Variants in PTPRR observed in about 807,000 individuals in gnomAD.
PTPRR encodes receptor-type tyrosine-protein phosphatase R.
Under a neutral mutation model 77.2 loss-of-function variants are expected in PTPRR, and 38 were observed. The observed-to-expected ratio is 0.49, with a 90% CI of 0.38 to 0.65. The LOEUF (loss-of-function observed/expected upper bound fraction) is 0.65. Ranked by LOEUF, PTPRR falls within the 30% of genes least tolerant of loss-of-function variation. The pLI is 0.00. For synonymous variants in PTPRR, 299 were observed against 283.1 expected (o/e 1.06, Z -0.57); for missense variants, 744 against 799.2 (o/e 0.93, Z 0.83).
chr12:70,702,173 C>T (rs975894534), intron 6 of PTPRR, among the ~76,000 whole-genome samples: 1 of 152,044 alleles, frequency 6.6e-6, no homozygotes, highest in Non-Finnish European at 1.5e-5. Context: ...CCCCTTTTCC[C>T]GCTGGGGGGC....
At chr12:70,684,366 A>C in intron 9 of PTPRR, 102 bp from the exon 10 acceptor site, 1 of 1,279,544 alleles carries the variant, frequency 7.8e-7, no homozygotes, top group Middle Eastern at 2.0e-4. Flanking sequence ...CTAGTACAAA[A>C]GCAACACAGG....
intron 1 of PTPRR, among the ~76,000 whole-genome samples, chr12:70,902,624 T>C (rs11835782): frequency 0.059 from 8,991 of 151,856 alleles, 346 homozygotes; most frequent in Admixed American, 0.078. Flanking sequence ...CTAAGTGAAG[T>C]AACTTCAGGA....
Position 70,732,544 on chromosome 12 carries a change from G to A in PTPRR, c.1007+13274C>T, listed in dbSNP as rs1047959148. ...TCTGTGGGGCAAGGGCGAGGTGGTG[G>A]TGAGCATCCATTTTTTTTTTGTTTG... is the stretch of plus-strand genomic sequence containing the variant. On this transcript the variant is annotated intron_variant, in intron 6 of 13. Coordinates refer to ENST00000283228, the MANE Select transcript of PTPRR (RefSeq NM_002849.4). Among the ~76,000 whole-genome samples, 4 of 152,120 alleles carry A rather than the reference G, an allele frequency of 2.6e-5. No individual in the cohort carries two copies. In the South Asian group the frequency reaches 8.3e-4, roughly 32 times the overall value.
At chr12:70,658,441 T>C (rs542787535) in intron 12 of PTPRR, among the ~76,000 whole-genome samples, 3 of 152,302 alleles carry the variant, frequency 2.0e-5, no homozygotes, top group African/African-American at 7.2e-5. Flanking sequence ...TTAGCTGAAG[T>C]GTCCACAGAA....
Position 70,869,097 on chromosome 12 carries a change from A to G in PTPRR, c.357+23582T>C, listed in dbSNP as rs532524772. On this transcript the variant is annotated intron_variant, in intron 2 of 13. Transcript: ENST00000283228. ...ATACCTAATGCTAAATGACGAGTTA[A>G]TGGGTGCAGCACACCAACATGGCAC... is the stretch of plus-strand genomic sequence containing the variant. Among the ~76,000 whole-genome samples the G allele has an allele frequency of 2.5e-3, 374 of 151,220 alleles. 1 individual carries two copies. The highest frequency in any genetic ancestry group is 8.6e-3 in the African/African-American group (354 of 41,308).
chr12:70,832,197 C>G (rs1892225287), intron 2 of PTPRR, among the ~76,000 whole-genome samples: 1 of 152,154 alleles, frequency 6.6e-6, no homozygotes, highest in Non-Finnish European at 1.5e-5. Context: ...TTGCATTTCT[C>G]TGGGTCAGGG....
At chr12:70,775,248 T>C (rs1372668696) in intron 2 of PTPRR, among the ~76,000 whole-genome samples, 1 of 152,196 alleles carries the variant, frequency 6.6e-6, no homozygotes, top group East Asian at 1.9e-4. Context: ...TATTTAAATA[T>C]ACCAGGCCTC....
intron 2 of PTPRR, among the ~76,000 whole-genome samples, chr12:70,864,746 T>C (rs1019024713): frequency 1.3e-5 from 2 of 152,150 alleles, no homozygotes; most frequent in Non-Finnish European, 2.9e-5. Context: ...AATTGAATCA[T>C]AGATGCAGTT....
intron 2 of PTPRR, among the ~76,000 whole-genome samples, chr12:70,847,354 A>C (rs1347069131): frequency 6.6e-6 from 1 of 152,174 alleles, no homozygotes; most frequent in Non-Finnish European, 1.5e-5. Context: ...CATAATCAAA[A>C]CATTTGGTCC....
chr12:70,873,320 C>T (rs1046131430), intron 2 of PTPRR, among the ~76,000 whole-genome samples: 1 of 152,150 alleles, frequency 6.6e-6, no homozygotes, highest in African/African-American at 2.4e-5. Flanking sequence ...GGTGATGGAA[C>T]CCTGAGAGAG....
intron 2 of PTPRR, among the ~76,000 whole-genome samples, chr12:70,875,767 T>G (rs1302891434): frequency 6.6e-6 from 1 of 152,126 alleles, no homozygotes; most frequent in Non-Finnish European, 1.5e-5. Flanking sequence ...AAGAAATATC[T>G]GTAACCCATA....
rs771430363 is a variant in PTPRR, at chr12:70,684,208, G to A, written c.1416C>T (p.Thr472=). The A allele has an allele frequency of 2.2e-5, 36 of 1,613,814 alleles. No individual in the cohort carries two copies. Among genetic ancestry groups the A allele is most frequent in the Admixed American group, 2.2e-4 (13 of 59,978 alleles). The change falls in exon 10 of 14, where the codon ACC becomes ACT. Residue 472 remains threonine (T), a synonymous_variant. Transcript: ENST00000283228. ...AAACCATCTGCCAGAAATCATCCAC[G>A]GTGTTGATCATGGGGCCCTGCGTGG... The part of the protein sequence containing the change: ...FIATQGPMIN[T]VDDFWQMVWQ...
intron 2 of PTPRR, among the ~76,000 whole-genome samples, chr12:70,767,667 A>G (rs1807688443): frequency 6.6e-6 from 1 of 152,220 alleles, no homozygotes; most frequent in African/African-American, 2.4e-5. Context: ...AAGCAGACCT[A>G]ATAGACATCT....
chr12:70,883,755 T>G (rs940866826), intron 2 of PTPRR, among the ~76,000 whole-genome samples: 1 of 152,138 alleles, frequency 6.6e-6, no homozygotes, highest in South Asian at 2.1e-4. Flanking sequence ...GGAAAAAAAA[T>G]GAAAGGATTA....
chr12:70,886,497 A>G (rs1893242010), intron 2 of PTPRR, among the ~76,000 whole-genome samples: 1 of 152,184 alleles, frequency 6.6e-6, no homozygotes, highest in African/African-American at 2.4e-5. Context: ...GTATCTGTGA[A>G]ATGGCTATTA....
chr12:70,792,911 C>A (rs1297958495), intron 2 of PTPRR, among the ~76,000 whole-genome samples: 2 of 152,114 alleles, frequency 1.3e-5, no homozygotes, highest in African/African-American at 4.8e-5. Context: ...TAGCAGAATT[C>A]TTTCCATTTA....
At chr12:70,717,748 T>C (rs1889086966) in intron 6 of PTPRR, among the ~76,000 whole-genome samples, 1 of 152,186 alleles carries the variant, frequency 6.6e-6, no homozygotes, top group South Asian at 2.1e-4. Flanking sequence ...CTTCCATGCA[T>C]CCGGGCATTT....
Position 70,737,529 on chromosome 12 carries a change from T to A in PTPRR, c.1007+8289A>T, listed in dbSNP as rs943052607. ...ATCTATCTATCTATCTATCTATCTATCTATCTTTCGAGACAAAGTCTCGCT... is the reference window on the plus strand; with the variant it reads ...ATCTATCTATCTATCTATCTATCTAACTATCTTTCGAGACAAAGTCTCGCT... On this transcript the variant is annotated intron_variant, in intron 6 of 13. Transcript: ENST00000283228. Among the ~76,000 whole-genome samples the A allele has an allele frequency of 5.3e-5, 8 of 150,944 alleles. No individual in the cohort carries two copies. In the East Asian group the frequency reaches 1.6e-3, roughly 29 times the overall value.
At chr12:70,689,278 T>A (rs1887977631) in intron 8 of PTPRR, among the ~76,000 whole-genome samples, 1 of 152,110 alleles carries the variant, frequency 6.6e-6, no homozygotes, top group Non-Finnish European at 1.5e-5. Flanking sequence ...TATCAAAACA[T>A]CACATTTTAC....
Sources: allele counts gnomAD v4.1 joint callset (sites outside exome capture counted in the v4.1 genomes callset), GRCh38; gene constraint gnomAD v4.1.1; transcripts MANE v1.5; gene names NCBI Gene and HGNC (gene_info 2026-07-23, HGNC 2026-07-21).